The following CSE1L variants were observed in gnomAD, a reference collection of about 807,000 sequenced individuals.
The protein encoded by CSE1L is exportin-2.
CSE1L carries 24 observed loss-of-function variants against 120.4 expected under a neutral mutation model. The ratio of observed to expected loss-of-function variants is 0.20; its 90% confidence interval spans 0.14 to 0.28. The LOEUF (loss-of-function observed/expected upper bound fraction) is 0.28. Among genes scored for constraint, CSE1L ranks in the 10% least tolerant of loss-of-function variants. The pLI, the probability that CSE1L is intolerant of heterozygous loss-of-function variation, is 1.00. For synonymous variants in CSE1L, 402 were observed against 398.3 expected, an observed-to-expected ratio of 1.01 and a Z score of -0.11; for missense variants, 830 against 1,145.2, an observed-to-expected ratio of 0.72 and a Z score of 3.97.
intron 13 of CSE1L, among the ~76,000 whole-genome samples, chr20:49,077,998 T>C (rs1275752886): frequency 2.0e-5 from 3 of 151,878 alleles, no homozygotes; most frequent in African/African-American, 7.3e-5. Flanking sequence ...AGCGAGACTC[T>C]GTCTCAAAAA....
chr20:49,068,836 A>G lies in CSE1L; in HGVS notation c.675+14A>G, dbSNP rs1373891656. 6.5e-7 allele frequency: 1 copy of G among 1,529,028 alleles called. No individual in the cohort carries two copies. The highest frequency in any genetic ancestry group is 9.1e-7 in the Non-Finnish European group (1 of 1,102,674). The allele number at this position is 1,529,028 out of a possible 1,614,324, so 94.7% of individuals were successfully genotyped here. A position where few individuals can be genotyped will look rare whatever the true frequency, so the allele number is the denominator to read the frequency against. On this transcript the variant is annotated intron_variant, in intron 7 of 24. Coordinates refer to ENST00000262982, the MANE Select transcript of CSE1L (RefSeq NM_001316.4). The stretch of plus-strand genomic sequence containing the variant: ...TTAAACTTTCAGGTAAGTTCATTTG[A>G]TTTCTTGCTTTTGGTTCTTACTCTT...
intron 22 of CSE1L, 56 bp downstream of exon 22, chr20:49,092,183 G>C: frequency 2.3e-6 from 2 of 865,268 alleles, no homozygotes; most frequent in South Asian, 1.6e-5. Context: ...TTTTTTTTTA[G>C]TACAAATCAG....
At position 49,084,150 on chromosome 20, in the gene CSE1L, A is replaced by G. The variant is rs772744593; in HGVS notation, c.1607A>G (p.Asn536Ser). Reference protein sequence around the residue: ...LERLFTMRGPNNATLFTAAEI... With the variant: ...LERLFTMRGPSNATLFTAAEI... The stretch of plus-strand genomic sequence containing the variant: ...CGGCTCTTTACTATGCGAGGGCCTA[A>G]CAATGCCACTCTGTGAGTATTTTAT... Residue 536 changes from asparagine to serine, a missense_variant, in exon 15 of 25, where the codon AAC (asparagine) becomes AGC (serine). Physicochemically the swap from Asn to Ser is conservative, Grantham distance 46. This residue lies in a region of CSE1L where 543 missense variants were observed against 640.2 expected (regional missense o/e 0.85). Coordinates refer to ENST00000262982, the MANE Select transcript of CSE1L (RefSeq NM_001316.4). 3.1e-6 allele frequency: 5 copies of G among 1,613,930 alleles called. No individual in the cohort carries two copies. In the African/African-American group the frequency reaches 5.3e-5, roughly 17 times the overall value.
At chr20:49,089,513 GCT>G in intron 18 of CSE1L, 23 bp from the exon 19 acceptor site, 1 of 1,611,084 alleles carries the variant, frequency 6.2e-7, no homozygotes, top group Non-Finnish European at 8.5e-7. Context: ...GAAGCTCACA[GCT>G]CTGTTTTTAC....
intron 8 of CSE1L, among the ~76,000 whole-genome samples, chr20:49,070,693 G>A (rs1365156982): frequency 5.1e-5 from 4 of 77,802 alleles, no homozygotes; most frequent in African/African-American, 2.5e-4. Flanking sequence ...CACTTTGGGC[G>A]GCCAAGGTGG....
intron 2 of CSE1L, among the ~76,000 whole-genome samples, chr20:49,059,880 A>C (rs925361004): frequency 2.2e-4 from 32 of 146,620 alleles, no homozygotes; most frequent in Non-Finnish European, 3.9e-4. Context: ...ACGTAGTCCC[A>C]AAAAAAAAAA....
Position 49,072,641 on chromosome 20 carries a change from A to G in CSE1L, c.1010A>G (p.Gln337Arg). 2 of 1,613,874 alleles carry G rather than the reference A, an allele frequency of 1.2e-6. No homozygotes were observed. The highest frequency in any genetic ancestry group is 1.7e-6 in the Non-Finnish European group (2 of 1,179,946). ...CATTATAAGAATCTATTTGAGGACC[A>G]GAACACGCTGACAAGTATCTGTGAA... ...RPHYKNLFED[Q>R]NTLTSICEKV... is the part of the protein sequence containing the mutation. Residue 337 changes from glutamine (Q) to arginine (R), a missense_variant, in exon 10 of 25, where the codon CAG becomes CGG. Gln to Arg is a conservative substitution (Grantham distance 43, BLOSUM62 1). This residue lies in a region of CSE1L where 543 missense variants were observed against 640.2 expected (regional missense o/e 0.85). Transcript: ENST00000262982.
At chr20:49,055,180 A>G (rs2091796854) in intron 1 of CSE1L, among the ~76,000 whole-genome samples, 1 of 152,228 alleles carries the variant, frequency 6.6e-6, no homozygotes, top group Non-Finnish European at 1.5e-5. Flanking sequence ...ACAAATTTGC[A>G]TACTAAGTGA....
chr20:49,059,661 C>T (rs976321587), intron 2 of CSE1L, among the ~76,000 whole-genome samples: 8 of 151,920 alleles, frequency 5.3e-5, no homozygotes, highest in South Asian at 2.1e-4. Context: ...GGGCAGATCA[C>T]GAGGGCAGGA....
intron 14 of CSE1L, among the ~76,000 whole-genome samples, chr20:49,082,082 A>G (rs1489198573): frequency 1.3e-5 from 2 of 151,652 alleles, no homozygotes; most frequent in Non-Finnish European, 2.9e-5. Flanking sequence ...ATTTAGTATT[A>G]TGTAGGTTTT....
At chr20:49,091,051 G>A (rs755074161) in intron 21 of CSE1L, 29 bp downstream of exon 21, 4 of 1,385,808 alleles carry the variant, frequency 2.9e-6, no homozygotes, top group African/African-American at 2.9e-5. Context: ...ATGTTCTACA[G>A]AAGTAATGAA....
intron 5 of CSE1L, 80 bp downstream of exon 5, chr20:49,066,590 T>C (rs2091894011): frequency 1.6e-6 from 2 of 1,277,740 alleles, no homozygotes; most frequent in Non-Finnish European, 2.2e-6. Context: ...TTTTTGTGAC[T>C]GTTGTCATTC....
chr20:49,074,939 A>T, intron 11 of CSE1L, 89 bp downstream of exon 11: 1 of 926,414 alleles, frequency 1.1e-6, no homozygotes, highest in Non-Finnish European at 1.7e-6. Context: ...AGTGGGATTG[A>T]GAATAAGAGT....
intron 3 of CSE1L, among the ~76,000 whole-genome samples, chr20:49,065,312 AATTTTTTTTT>A (rs1183215323): frequency 1.3e-5 from 1 of 79,398 alleles, no homozygotes; most frequent in Non-Finnish European, 2.4e-5. Flanking sequence ...ATGAAAAAAA[AATTTTTTTTT>A]TTTTTTTTTT....
intron 6 of CSE1L, among the ~76,000 whole-genome samples, chr20:49,067,498 G>C (rs1436520644): frequency 6.6e-6 from 1 of 152,004 alleles, no homozygotes; most frequent in Non-Finnish European, 1.5e-5. Flanking sequence ...TATTTTCTCT[G>C]TTCCCTTTCT....
intron 13 of CSE1L, 89 bp downstream of exon 13, chr20:49,077,153 CTTTTTT>C: frequency 1.0e-5 from 4 of 401,494 alleles, no homozygotes; most frequent in South Asian, 3.6e-5. Flanking sequence ...CCCTTTTGTT[CTTTTTT>C]TTTTTTTTTT....
intron 15 of CSE1L, 61 bp downstream of exon 15, chr20:49,084,223 G>A: frequency 1.4e-6 from 2 of 1,463,000 alleles, no homozygotes; most frequent in East Asian, 4.6e-5. Flanking sequence ...GCTGGTCAAA[G>A]ATATCTGAAT....
chr20:49,090,331 G>T (rs2092091308), intron 19 of CSE1L, among the ~76,000 whole-genome samples: 1 of 152,160 alleles, frequency 6.6e-6, no homozygotes, highest in South Asian at 2.1e-4. Context: ...GCCGAGGTGG[G>T]CAGATCACCT....
At chr20:49,063,461 C>CG in intron 3 of CSE1L, 117 bp downstream of exon 3, 1 of 531,480 alleles carries the variant, frequency 1.9e-6, no homozygotes, top group Non-Finnish European at 3.0e-6. Flanking sequence ...GAGGCTGAGG[C>CG]GGAAGGATCA....
Sources: allele counts gnomAD v4.1 joint callset (sites outside exome capture counted in the v4.1 genomes callset), GRCh38; gene constraint gnomAD v4.1.1; regional missense constraint gnomAD v4.1.1; transcripts MANE v1.5; gene names NCBI Gene and HGNC (gene_info 2026-07-23, HGNC 2026-07-21).